Variants in TOX observed in about 807,000 individuals in gnomAD.
TOX encodes the protein thymocyte selection associated high mobility group box, also known as thymocyte selection-associated high mobility group box protein TOX.
Under a neutral mutation model 53.7 loss-of-function variants are expected in TOX, and 11 were observed. The observed-to-expected ratio is 0.20, with a 90% CI of 0.13 to 0.34. The LOEUF is 0.34. Ranked by LOEUF, TOX falls within the 10% of genes least tolerant of loss-of-function variation. The probability of loss-of-function intolerance (pLI) is 1.00; values close to 1 mark genes in which losing one functional copy is unlikely to be tolerated. For synonymous variants in TOX, 225 were observed against 245.3 expected (o/e 0.92, Z 0.77); for missense variants, 570 against 664.6 (o/e 0.86, Z 1.56).
intron 1 of TOX, among the ~76,000 whole-genome samples, chr8:59,051,243 T>G (rs1223624399): frequency 1.3e-5 from 2 of 152,122 alleles, no homozygotes; most frequent in African/African-American, 4.8e-5. Context: ...TTTCCCACTA[T>G]CTGATAAGGA....
chr8:59,077,873 CT>C (rs1334721924), intron 1 of TOX, among the ~76,000 whole-genome samples: 1 of 152,128 alleles, frequency 6.6e-6, no homozygotes, highest in Non-Finnish European at 1.5e-5. Flanking sequence ...TGGAACAATC[CT>C]TTTTGCCCCT....
intron 1 of TOX, among the ~76,000 whole-genome samples, chr8:58,961,329 C>T (rs1170404403): frequency 1.3e-5 from 2 of 152,074 alleles, no homozygotes; most frequent in Non-Finnish European, 2.9e-5. Flanking sequence ...CGCACATCAC[C>T]CTAAAAATAT....
rs1447128395 is a variant in TOX, at chr8:59,118,162, C to T, written c.102+724G>A. ...TACAGCTCAGCCGCGGACCCTGCTC[C>T]GCGAGTGCGGGAGCTTTGGACTTGA... On this transcript the variant is annotated intron_variant, in intron 1 of 8. Transcript: ENST00000361421. This position sits in a 1 kb window ranked among gnomAD's most constrained non-coding sequence, Gnocchi z 4.1. Among the ~76,000 whole-genome samples the T allele has an allele frequency of 6.6e-6, 1 of 152,192 alleles. No homozygotes were observed. The highest frequency in any genetic ancestry group is 1.5e-5 in the Non-Finnish European group (1 of 68,032).
At chr8:58,824,976 A>G (rs1416903036) in intron 6 of TOX, among the ~76,000 whole-genome samples, 1 of 152,214 alleles carries the variant, frequency 6.6e-6, no homozygotes, top group East Asian at 1.9e-4. Context: ...ATCTTTTAGA[A>G]TAGGGAAATA....
At chr8:59,005,270 C>A (rs886567042) in intron 1 of TOX, among the ~76,000 whole-genome samples, 2 of 152,118 alleles carry the variant, frequency 1.3e-5, no homozygotes, top group Non-Finnish European at 2.9e-5. Flanking sequence ...CATCTCCTGA[C>A]CTTGTGATCC....
chr8:58,809,147 T>G (rs1458819593), intron 7 of TOX, among the ~76,000 whole-genome samples: 1 of 152,200 alleles, frequency 6.6e-6, no homozygotes, highest in Non-Finnish European at 1.5e-5. Flanking sequence ...CATAAGCAAG[T>G]TTTTCTGGAA....
At chr8:58,957,012 A>G (rs1389878162) in intron 2 of TOX, among the ~76,000 whole-genome samples, 4 of 152,200 alleles carry the variant, frequency 2.6e-5, no homozygotes, top group Non-Finnish European at 1.5e-5. Context: ...TGGTCTAGAT[A>G]TTGTCACCTC....
At chr8:59,033,297 C>A (rs1464964900) in intron 1 of TOX, among the ~76,000 whole-genome samples, 1 of 152,132 alleles carries the variant, frequency 6.6e-6, no homozygotes, top group Non-Finnish European at 1.5e-5. Flanking sequence ...CAGGCTGGTG[C>A]CCCTAGCACA....
chr8:58,973,167 C>G (rs1254455612), intron 1 of TOX, among the ~76,000 whole-genome samples: 1 of 152,132 alleles, frequency 6.6e-6, no homozygotes, highest in African/African-American at 2.4e-5. Flanking sequence ...TACCTATTCC[C>G]CATTCTACAT....
chr8:58,839,353 C>A (rs1440566317), intron 4 of TOX, among the ~76,000 whole-genome samples: 1 of 152,128 alleles, frequency 6.6e-6, no homozygotes, highest in Non-Finnish European at 1.5e-5. Context: ...GGAGAGTGCA[C>A]CTCCAGAAAT....
At chr8:58,893,967 T>A (rs1240509523) in intron 3 of TOX, among the ~76,000 whole-genome samples, 1 of 152,202 alleles carries the variant, frequency 6.6e-6, no homozygotes, top group African/African-American at 2.4e-5. Context: ...GATGTATTAT[T>A]GTTAGGTAAG....
intron 3 of TOX, among the ~76,000 whole-genome samples, chr8:58,888,316 C>G (rs533273409): frequency 1.3e-5 from 2 of 151,812 alleles, no homozygotes; most frequent in African/African-American, 4.8e-5. Context: ...TGAAATACAC[C>G]TAGTAATAAG....
chr8:58,856,860 A>T (rs2129168745), intron 3 of TOX, among the ~76,000 whole-genome samples: 1 of 152,250 alleles, frequency 6.6e-6, no homozygotes, highest in African/African-American at 2.4e-5. Flanking sequence ...GGCACAAGAA[A>T]GGAGGCTGAG....
chr8:59,093,065 C>T (rs1219717087), intron 1 of TOX, among the ~76,000 whole-genome samples: 1 of 152,196 alleles, frequency 6.6e-6, no homozygotes, highest in Admixed American at 6.5e-5. Context: ...TATATCTGAA[C>T]TCAGCAAGAA....
chr8:58,825,496 A>G (rs1378383375), intron 6 of TOX, among the ~76,000 whole-genome samples: 1 of 152,232 alleles, frequency 6.6e-6, no homozygotes. Flanking sequence ...CTTAGTCAGT[A>G]TCACAGCATT....
At chr8:58,848,692 C>T (rs1810760118) in intron 4 of TOX, among the ~76,000 whole-genome samples, 1 of 152,090 alleles carries the variant, frequency 6.6e-6, no homozygotes, top group South Asian at 2.1e-4. Flanking sequence ...TGATGCTTTA[C>T]TGTGTCTCAT....
intron 1 of TOX, among the ~76,000 whole-genome samples, chr8:58,968,641 TG>T (rs1812946497): frequency 6.6e-6 from 1 of 152,092 alleles, no homozygotes. Context: ...AATTACTTTT[TG>T]GGGGTTGGAC....
intron 3 of TOX, among the ~76,000 whole-genome samples, chr8:58,881,533 T>C (rs1486448441): frequency 1.2e-4 from 18 of 152,008 alleles, no homozygotes; most frequent in Non-Finnish European, 1.5e-5. Context: ...AAAGCCAGCC[T>C]GGGCAACATA....
chr8:58,905,680 AT>A (rs1811800821), intron 3 of TOX, among the ~76,000 whole-genome samples: 1 of 152,174 alleles, frequency 6.6e-6, no homozygotes, highest in Non-Finnish European at 1.5e-5. Context: ...ATGGGGATAG[AT>A]TTTCAGTAAT....
Sources: gnomAD v4.1 joint callset for allele counts (sites outside exome capture counted in the v4.1 genomes callset) on GRCh38, gnomAD v4.1.1 for gene constraint, Gnocchi (gnomAD v3.1) non-coding constraint, MANE v1.5 for transcripts, NCBI Gene and HGNC (gene_info 2026-07-23, HGNC 2026-07-21) for gene names.